The following EFL1 variants were observed in gnomAD, a reference collection of about 807,000 sequenced individuals.
EFL1 encodes elongation factor-like GTPase 1.
A neutral mutation model predicts 126.7 loss-of-function variants in EFL1; 76 were observed. The observed-to-expected ratio is 0.60, with a 90% CI of 0.50 to 0.73. The LOEUF is 0.73. EFL1 is among the 30% of genes least tolerant of loss of function. The pLI is 0.00. For synonymous variants in EFL1, 410 were observed against 448.4 expected (o/e 0.91, Z 1.08); for missense variants, 1,128 against 1,343.2 (o/e 0.84, Z 2.50).
chr15:82,199,493 T>A (rs2074444943), intron 15 of EFL1, among the ~76,000 whole-genome samples: 1 of 152,220 alleles, frequency 6.6e-6, no homozygotes, highest in South Asian at 2.1e-4. Flanking sequence ...AGACCTTGTA[T>A]GAAAATGGAA....
chr15:82,231,371 T>A lies in EFL1; in HGVS notation c.732-400A>T, dbSNP rs568158756. ...CTGTTAAGTGACAGCTGCTCACAAA[T>A]GAAAGAAATTCTTGAGCCACAACCT... On this transcript the variant is annotated intron_variant, in intron 7 of 19. Coordinates refer to ENST00000268206, the MANE Select transcript of EFL1 (RefSeq NM_024580.6). 7.9e-5 allele frequency among the ~76,000 whole-genome samples: 12 copies of A among 152,250 alleles called. 1 individual carries two copies. The highest frequency in any genetic ancestry group is 2.9e-4 in the African/African-American group (12 of 41,560).
At chr15:82,140,262 CT>C (rs1416793352) in intron 18 of EFL1, among the ~76,000 whole-genome samples, 2 of 152,156 alleles carry the variant, frequency 1.3e-5, no homozygotes, top group African/African-American at 4.8e-5. Flanking sequence ...ACATCTAGCT[CT>C]CCTGGTTGCT....
intron 19 of EFL1, among the ~76,000 whole-genome samples, chr15:82,132,308 T>A (rs1419097354): frequency 2.0e-5 from 3 of 152,074 alleles, no homozygotes; most frequent in Non-Finnish European, 2.9e-5. Flanking sequence ...ACGCTTCGCA[T>A]CAGCAACAGC....
At chr15:82,208,600 T>A (rs1466204216) in intron 15 of EFL1, among the ~76,000 whole-genome samples, 1 of 152,154 alleles carries the variant, frequency 6.6e-6, no homozygotes, top group Non-Finnish European at 1.5e-5. Flanking sequence ...ATGTTGAACC[T>A]AATAGGGGTT....
rs1480180980 is a variant in EFL1 at position 82,228,274 on chromosome 15, G to T, written c.986C>A (p.Ala329Asp). The change falls in exon 10 of 20, where the codon GCC (alanine) becomes GAC (aspartate). Residue 329 changes from alanine (A) to aspartate (D), a missense_variant. Physicochemically the swap from Ala to Asp is moderately radical, Grantham distance 126. Transcript: ENST00000268206. ...IVTSLGLKIG[A>D]REARHSDPKV... Reference sequence around the variant, plus strand: ...AGGGTCTGAATGTCGTGCCTCCCGGGCTCCAATTTTTAATCCTAAAGAAGT... The same window carrying T: ...AGGGTCTGAATGTCGTGCCTCCCGGTCTCCAATTTTTAATCCTAAAGAAGT... 1 of 1,614,046 alleles carries T rather than the reference G, an allele frequency of 6.2e-7. No homozygotes were observed. Among genetic ancestry groups the T allele is most frequent in the South Asian group, 1.1e-5 (1 of 91,056 alleles).
intron 3 of EFL1, among the ~76,000 whole-genome samples, chr15:82,258,072 A>G (rs2075081387): frequency 6.6e-6 from 1 of 152,078 alleles, no homozygotes; most frequent in African/African-American, 2.4e-5. Context: ...TATTGGGTCT[A>G]CCCTGTGGAT....
intron 17 of EFL1, among the ~76,000 whole-genome samples, chr15:82,153,770 A>C (rs947075143): frequency 4.6e-5 from 7 of 152,230 alleles, no homozygotes; most frequent in Non-Finnish European, 1.0e-4. Context: ...AGATCTGTTA[A>C]TACCACATTA....
At chr15:82,237,119 G>T (rs1163048159) in intron 7 of EFL1, among the ~76,000 whole-genome samples, 1 of 152,030 alleles carries the variant, frequency 6.6e-6, no homozygotes, top group African/African-American at 2.4e-5. Context: ...CTCCAGCCTG[G>T]GCAACAGGGC....
chr15:82,163,974 G>C lies in EFL1; in HGVS notation c.1761C>G (p.Gly587=). ...VPPGNVLGIG[G]LQDFVLKSAT... ...CAGATTTCAGCACAAAATCTTGAAG[G>C]CCTCCTATTCCTGTAGGAAGAAAAG... The change falls in exon 16 of 20, where the codon GGC becomes GGG. Residue 587 remains glycine (G), a synonymous_variant. Transcript: ENST00000268206. 6.2e-7 allele frequency: 1 copy of C among 1,613,848 alleles called. No homozygotes were observed. Among genetic ancestry groups the C allele is most frequent in the Non-Finnish European group, 8.5e-7 (1 of 1,179,842 alleles).
chr15:82,256,091 A>G (rs1033723953), intron 3 of EFL1, among the ~76,000 whole-genome samples: 2 of 152,074 alleles, frequency 1.3e-5, no homozygotes, highest in Non-Finnish European at 2.9e-5. Context: ...GTTTTCTCCA[A>G]TATCTCATAG....
At chr15:82,167,013 G>C (rs12442609) in intron 15 of EFL1, among the ~76,000 whole-genome samples, 10,288 of 152,168 alleles carry the variant, frequency 0.068, 512 homozygotes, top group African/African-American at 0.13. Flanking sequence ...TAGCACGGGG[G>C]AATAAAATTC....
At chr15:82,229,936 A>G (rs1339818110) in intron 8 of EFL1, among the ~76,000 whole-genome samples, 2 of 152,232 alleles carry the variant, frequency 1.3e-5, no homozygotes, top group African/African-American at 4.8e-5. Context: ...AGATGAAATA[A>G]CTGAGATAAA....
chr15:82,219,349 T>C (rs761136640), intron 14 of EFL1, among the ~76,000 whole-genome samples: 2 of 152,218 alleles, frequency 1.3e-5, no homozygotes, highest in Admixed American at 1.3e-4. Flanking sequence ...GGCTCCAGCA[T>C]GACATCTGCT....
intron 19 of EFL1, among the ~76,000 whole-genome samples, chr15:82,132,461 T>C (rs145394680): frequency 7.9e-5 from 12 of 152,046 alleles, no homozygotes; most frequent in African/African-American, 2.9e-4. Context: ...TTACCTCTCA[T>C]GGACACTCAA....
At position 82,138,902 on chromosome 15, in the gene EFL1, G is replaced by A. The variant is rs997776201; in HGVS notation, c.2990-60C>T. The A allele has an allele frequency of 2.0e-6, 3 of 1,500,558 alleles. No individual in the cohort carries two copies. In the East Asian group the frequency reaches 6.8e-5, roughly 34 times the overall value. 93.0% of individuals were successfully genotyped at this position (1,500,558 alleles called of 1,614,324 possible). On this transcript the variant is annotated intron_variant, in intron 18 of 19. Transcript: ENST00000268206. ...AATCATATGGCTTGAGCCACACCAA[G>A]ACATGATTACCCATATACTCTGTAA...
chr15:82,134,371 C>CTT (rs376117198), intron 19 of EFL1, among the ~76,000 whole-genome samples: 3,115 of 147,196 alleles, frequency 0.021, 45 homozygotes, highest in Middle Eastern at 0.068. Context: ...GAAAAAGGTG[C>CTT]TTTTTTTTTT....
chr15:82,131,629 A>G (rs1289732967), intron 19 of EFL1, among the ~76,000 whole-genome samples: 1 of 150,460 alleles, frequency 6.6e-6, no homozygotes, highest in East Asian at 1.9e-4. Context: ...TGTCTCTACT[A>G]AAAATACAAA....
At chr15:82,252,628 G>A in intron 4 of EFL1, 63 bp downstream of exon 4, 1 of 1,284,536 alleles carries the variant, frequency 7.8e-7, no homozygotes, top group Non-Finnish European at 1.1e-6. Context: ...AATTAATTCA[G>A]AAAGACAGAA....
At chr15:82,180,403 A>AACC (rs1255650604) in intron 15 of EFL1, among the ~76,000 whole-genome samples, 1 of 151,220 alleles carries the variant, frequency 6.6e-6, no homozygotes, top group Non-Finnish European at 1.5e-5. Context: ...AAAACCAGCC[A>AACC]ACCACCACCA....
Sources: allele counts gnomAD v4.1 joint callset (sites outside exome capture counted in the v4.1 genomes callset), GRCh38; gene constraint gnomAD v4.1.1; transcripts MANE v1.5; gene names NCBI Gene and HGNC (gene_info 2026-07-23, HGNC 2026-07-21).